TMEM163: variants seen among roughly 807,000 people sequenced by gnomAD.
The protein encoded by TMEM163 is transmembrane protein 163.
In TMEM163, 17 loss-of-function variants were observed where a neutral mutation model predicts 29.3. The observed-to-expected ratio is 0.58, with a 90% CI of 0.40 to 0.87. TMEM163 has a LOEUF of 0.87. Among genes scored for constraint, TMEM163 ranks in the 40% least tolerant of loss-of-function variants. The pLI, the probability that TMEM163 is intolerant of heterozygous loss-of-function variation, is 0.00. For synonymous variants in TMEM163, 157 were observed against 160.6 expected (o/e 0.98, Z 0.17); for missense variants, 303 against 381.5 (o/e 0.79, Z 1.71).
chr2:134,588,651 G>T (rs143271079), intron 2 of TMEM163, among the ~76,000 whole-genome samples: 52 of 152,286 alleles, frequency 3.4e-4, no homozygotes, highest in African/African-American at 1.2e-3. Context: ...AAGAACAAAT[G>T]CTAGATGGGG....
intron 4 of TMEM163, among the ~76,000 whole-genome samples, chr2:134,518,613 G>C (rs982745777): frequency 2.6e-5 from 4 of 152,156 alleles, no homozygotes; most frequent in Non-Finnish European, 1.5e-5. Flanking sequence ...ACATCTTCTT[G>C]GCCAGCTCAG....
Position 134,550,557 on chromosome 2 carries a change from A to T in TMEM163, c.458+13T>A. ...GGGTTCTTCAGCCTGGAGAAAGACAAGAATCTACTTACATGTACTCCCTAT... is the reference window on the plus strand; with the variant it reads ...GGGTTCTTCAGCCTGGAGAAAGACATGAATCTACTTACATGTACTCCCTAT... On this transcript the variant is annotated intron_variant, in intron 4 of 7. Transcript: ENST00000281924. The T allele has an allele frequency of 6.2e-7, 1 of 1,613,502 alleles. No individual in the cohort carries two copies. Among genetic ancestry groups the T allele is most frequent in the Non-Finnish European group, 8.5e-7 (1 of 1,179,528 alleles).
chr2:134,680,078 T>C (rs961045117), intron 2 of TMEM163, among the ~76,000 whole-genome samples: 20 of 152,184 alleles, frequency 1.3e-4, no homozygotes, highest in Non-Finnish European at 2.4e-4. Context: ...CCAGGTGGCA[T>C]GATGGCTGAG....
At chr2:134,596,349 G>A (rs1682083411) in intron 2 of TMEM163, among the ~76,000 whole-genome samples, 1 of 152,136 alleles carries the variant, frequency 6.6e-6, no homozygotes, top group African/African-American at 2.4e-5. Context: ...AGTTTTCCCA[G>A]CACCATTTTT....
chr2:134,628,650 T>TC (rs1278346911), intron 2 of TMEM163, among the ~76,000 whole-genome samples: 1 of 152,250 alleles, frequency 6.6e-6, no homozygotes, highest in Non-Finnish European at 1.5e-5. Flanking sequence ...TTGTCACACA[T>TC]CATTGCTGGG....
intron 5 of TMEM163, among the ~76,000 whole-genome samples, chr2:134,489,160 T>C (rs1303871027): frequency 6.6e-6 from 1 of 152,080 alleles, no homozygotes; most frequent in Non-Finnish European, 1.5e-5. Flanking sequence ...ACTGTAATAA[T>C]AAAAAACTGG....
chr2:134,522,998 T>C (rs1680219601), intron 4 of TMEM163, among the ~76,000 whole-genome samples: 1 of 152,234 alleles, frequency 6.6e-6, no homozygotes, highest in Admixed American at 6.5e-5. Context: ...CACCGCCTCA[T>C]ACAGCACTTA....
intron 6 of TMEM163, chr2:134,458,375 C>T: frequency 1.7e-6 from 1 of 594,928 alleles, no homozygotes; most frequent in East Asian, 2.8e-5. Flanking sequence ...GAGCCGTCAC[C>T]CCCACCATCA....
chr2:134,517,267 C>T (rs1052992278), intron 4 of TMEM163, among the ~76,000 whole-genome samples: 4 of 152,126 alleles, frequency 2.6e-5, no homozygotes, highest in South Asian at 2.1e-4. Flanking sequence ...AGAGAACTCT[C>T]GTGGACTTCT....
chr2:134,508,768 C>T (rs959669599), intron 4 of TMEM163, among the ~76,000 whole-genome samples: 3 of 151,578 alleles, frequency 2.0e-5, no homozygotes, highest in Admixed American at 6.6e-5. Context: ...GAACTCCAGC[C>T]CCTCATCCTC....
chr2:134,715,917 G>T (rs1411617437), intron 1 of TMEM163, among the ~76,000 whole-genome samples: 1 of 152,160 alleles, frequency 6.6e-6, no homozygotes, highest in Non-Finnish European at 1.5e-5. Context: ...TTTGGCCTGG[G>T]AATACTAAGC....
chr2:134,654,304 G>A (rs1306342981), intron 2 of TMEM163, among the ~76,000 whole-genome samples: 1 of 110,066 alleles, frequency 9.1e-6, no homozygotes, highest in East Asian at 2.2e-4. Flanking sequence ...TTATGTAATG[G>A]CCTTCTTTGT....
chr2:134,498,921 G>A (rs535755817), intron 5 of TMEM163, among the ~76,000 whole-genome samples: 1 of 152,330 alleles, frequency 6.6e-6, no homozygotes, highest in African/African-American at 2.4e-5. Context: ...TGGACGAGGA[G>A]ACCAGGTTCA....
intron 5 of TMEM163, among the ~76,000 whole-genome samples, chr2:134,482,383 C>T (rs1263680796): frequency 6.6e-6 from 1 of 152,152 alleles, no homozygotes; most frequent in Admixed American, 6.5e-5. Context: ...TCCCAACCCA[C>T]CCTTTCCCCT....
In TMEM163 at chr2:134,693,545, G is replaced by T. The variant is rs150062336; in HGVS notation, c.322+19655C>A. 2.3e-4 allele frequency among the ~76,000 whole-genome samples: 34 copies of T among 149,466 alleles called. No individual in the cohort carries two copies. In the South Asian group the frequency reaches 7.2e-3, roughly 32 times the overall value. On this transcript the variant is annotated intron_variant, in intron 2 of 7. Transcript: ENST00000281924. ...AATTGCTTGAGCCCAAGAGGCAGAG[G>T]TTGCAGTGAGCCAAGATTGCAACAC... is the stretch of plus-strand genomic sequence containing the variant.
intron 5 of TMEM163, chr2:134,467,584 CGT>C (rs1334697140): frequency 6.6e-6 from 1 of 152,168 alleles, no homozygotes; most frequent in African/African-American, 2.4e-5. Flanking sequence ...CGACTCCTCA[CGT>C]GTCAAGGTCA....
chr2:134,705,750 G>A (rs544301527), intron 2 of TMEM163, among the ~76,000 whole-genome samples: 11 of 152,186 alleles, frequency 7.2e-5, no homozygotes, highest in Non-Finnish European at 1.5e-4. Flanking sequence ...ACAGCCCTGA[G>A]ATATCCACAG....
chr2:134,528,222 G>C (rs1378507974), intron 4 of TMEM163, among the ~76,000 whole-genome samples: 1 of 152,192 alleles, frequency 6.6e-6, no homozygotes. Flanking sequence ...GTTGGGAAAT[G>C]GGTCTTGGTG....
chr2:134,516,780 C>CATATGTATATGCATATATATGAAT (rs1680078757), intron 4 of TMEM163, among the ~76,000 whole-genome samples: 1 of 139,460 alleles, frequency 7.2e-6, no homozygotes, highest in Admixed American at 7.4e-5. Flanking sequence ...CATATCTATT[C>CATATGTATATGCATATATATGAAT]ATATATATAT....
Sources: allele counts gnomAD v4.1 joint callset (sites outside exome capture counted in the v4.1 genomes callset), GRCh38; gene constraint gnomAD v4.1.1; transcripts MANE v1.5; gene names NCBI Gene and HGNC (gene_info 2026-07-23, HGNC 2026-07-21).